The following MAP2 variants were observed in gnomAD, a reference collection of about 807,000 sequenced individuals.
MAP2 encodes the protein microtubule-associated protein 2.
A neutral mutation model predicts 137.6 loss-of-function variants in MAP2; 14 were observed. The observed-to-expected ratio is 0.10, with a 90% CI of 0.07 to 0.16. The LOEUF is 0.16. Among genes scored for constraint, MAP2 ranks in the 10% least tolerant of loss-of-function variants. The pLI, the probability that MAP2 is intolerant of heterozygous loss-of-function variation, is 1.00. For synonymous variants in MAP2, 786 were observed against 782.3 expected, an observed-to-expected ratio of 1.00 and a Z score of -0.08; for missense variants, 2,088 against 2,191.5, an observed-to-expected ratio of 0.95 and a Z score of 0.94.
chr2:209,557,869 T>G (rs1421383453), intron 2 of MAP2, among the ~76,000 whole-genome samples: 1 of 152,196 alleles, frequency 6.6e-6, no homozygotes, highest in East Asian at 1.9e-4. Context: ...TCATGGTGCC[T>G]TATGAAAAAC....
intron 1 of MAP2, among the ~76,000 whole-genome samples, chr2:209,497,107 G>A (rs180863033): frequency 1.2e-3 from 188 of 152,274 alleles, no homozygotes; most frequent in African/African-American, 4.3e-3. Context: ...TGTATGGACT[G>A]TAAATACTGT....
intron 11 of MAP2, 53 bp downstream of exon 11, chr2:209,700,391 G>A (rs1338154071): frequency 5.2e-5 from 70 of 1,341,698 alleles, no homozygotes; most frequent in Non-Finnish European, 7.2e-5. Context: ...TTTGGTATTA[G>A]CTGTAACATC....
At chr2:209,629,413 A>G (rs551959311) in intron 4 of MAP2, among the ~76,000 whole-genome samples, 1 of 152,116 alleles carries the variant, frequency 6.6e-6, no homozygotes, top group Non-Finnish European at 1.5e-5. Context: ...ATCATTGAGA[A>G]CATTTGGCAA....
At chr2:209,685,409 TC>T in intron 7 of MAP2, among the ~76,000 whole-genome samples, 1 of 152,284 alleles carries the variant, frequency 6.6e-6, no homozygotes, top group Non-Finnish European at 1.5e-5. Flanking sequence ...GAATCTAATG[TC>T]TTCTGTCATT....
chr2:209,571,390 C>T (rs1046880226), intron 2 of MAP2, among the ~76,000 whole-genome samples: 2 of 151,832 alleles, frequency 1.3e-5, no homozygotes, highest in Non-Finnish European at 1.5e-5. Context: ...AACAGTATTC[C>T]GATTTCTTTC....
Position 209,695,883 on chromosome 2 carries a change from A to G in MAP2, c.3713A>G (p.Glu1238Gly). 4.3e-6 allele frequency: 7 copies of G among 1,614,106 alleles called. No individual in the cohort carries two copies. Among genetic ancestry groups the G allele is most frequent in the Non-Finnish European group, 5.9e-6 (7 of 1,180,018 alleles). ...EPAEIQSEEE[E>G]IEAQGEYDKL... Reference sequence around the variant, plus strand: ...GCAGAGATTCAGAGTGAGGAAGAAGAGATAGAAGCCCAGGGAGAATATGAT... The same window carrying G: ...GCAGAGATTCAGAGTGAGGAAGAAGGGATAGAAGCCCAGGGAGAATATGAT... The change falls in exon 8 of 16, where the codon GAG becomes GGG. Residue 1238 changes from glutamate to glycine, a missense_variant. Physicochemically the swap from Glu to Gly is moderately conservative, Grantham distance 98. Transcript: ENST00000682079.
chr2:209,706,596 G>A (rs2063503735), intron 12 of MAP2, among the ~76,000 whole-genome samples: 1 of 151,868 alleles, frequency 6.6e-6, no homozygotes, highest in South Asian at 2.1e-4. Flanking sequence ...TTGGTTTTCA[G>A]CCTACTGATA....
At chr2:209,482,954 A>G (rs941915716) in intron 1 of MAP2, among the ~76,000 whole-genome samples, 1 of 152,202 alleles carries the variant, frequency 6.6e-6, no homozygotes, top group Non-Finnish European at 1.5e-5. Context: ...TGTCATTCCT[A>G]CAGCTGTCCT....
chr2:209,614,568 G>A (rs1052892553), intron 3 of MAP2, among the ~76,000 whole-genome samples: 11 of 152,112 alleles, frequency 7.2e-5, no homozygotes, highest in African/African-American at 2.7e-4. Context: ...TATAGATCGA[G>A]ATATATTTCA....
intron 1 of MAP2, among the ~76,000 whole-genome samples, chr2:209,473,660 G>A (rs1369169107): frequency 1.3e-5 from 2 of 151,944 alleles, no homozygotes; most frequent in Admixed American, 1.3e-4. Context: ...TACAGTTTTG[G>A]CCTGCCAGGC....
intron 3 of MAP2, among the ~76,000 whole-genome samples, chr2:209,594,662 A>G (rs1200310090): frequency 6.6e-6 from 1 of 152,184 alleles, no homozygotes; most frequent in African/African-American, 2.4e-5. Context: ...TTCTCCTATC[A>G]CTGATCATAT....
chr2:209,728,349 ACAAT>A (rs1241728419), intron 14 of MAP2, among the ~76,000 whole-genome samples: 1 of 152,190 alleles, frequency 6.6e-6, no homozygotes, highest in Non-Finnish European at 1.5e-5. Flanking sequence ...TCATCTCATC[ACAAT>A]CAATAAGTGA....
intron 1 of MAP2, among the ~76,000 whole-genome samples, chr2:209,477,344 A>G (rs967177533): frequency 6.6e-6 from 1 of 152,238 alleles, no homozygotes; most frequent in African/African-American, 2.4e-5. Flanking sequence ...AAAAAAAGCC[A>G]CAAAAATGAA....
At chr2:209,484,595 C>T (rs2058136599) in intron 1 of MAP2, among the ~76,000 whole-genome samples, 1 of 152,144 alleles carries the variant, frequency 6.6e-6, no homozygotes, top group African/African-American at 2.4e-5. Flanking sequence ...GAGGCTGAGG[C>T]AGGAGAATCG....
intron 1 of MAP2, among the ~76,000 whole-genome samples, chr2:209,489,196 G>A (rs2058773308): frequency 6.6e-6 from 1 of 152,166 alleles, no homozygotes; most frequent in South Asian, 2.1e-4. Context: ...GCAGAAGAGG[G>A]ACCTGACTGT....
intron 2 of MAP2, among the ~76,000 whole-genome samples, chr2:209,541,166 G>A (rs1370721307): frequency 1.3e-5 from 2 of 151,016 alleles, no homozygotes; most frequent in African/African-American, 5.0e-5. Context: ...AAGTAGCTGG[G>A]ATTACAGGCA....
intron 1 of MAP2, among the ~76,000 whole-genome samples, chr2:209,496,020 T>C (rs1325531136): frequency 6.6e-6 from 1 of 152,218 alleles, no homozygotes; most frequent in African/African-American, 2.4e-5. Context: ...TTTTCCAGCA[T>C]TGTTACGGCA....
chr2:209,542,662 C>T (rs1263010870), intron 2 of MAP2, among the ~76,000 whole-genome samples: 2 of 152,376 alleles, frequency 1.3e-5, no homozygotes, highest in African/African-American at 4.8e-5. Context: ...GCACCTGCTG[C>T]TTCACCTTTA....
At chr2:209,657,141 G>T (rs77379034) in intron 5 of MAP2, among the ~76,000 whole-genome samples, 1 of 151,618 alleles carries the variant, frequency 6.6e-6, no homozygotes, top group Admixed American at 6.6e-5. Flanking sequence ...GTATTCCATC[G>T]TATATCTACA....
Sources: allele counts gnomAD v4.1 joint callset (sites outside exome capture counted in the v4.1 genomes callset), GRCh38; gene constraint gnomAD v4.1.1; transcripts MANE v1.5; gene names NCBI Gene and HGNC (gene_info 2026-07-23, HGNC 2026-07-21).